Variants in RNF220 observed in about 807,000 individuals in gnomAD.
RNF220 encodes the protein ring finger protein 220.
Under a neutral mutation model 67.1 loss-of-function variants are expected in RNF220, and 7 were observed. That is an observed-to-expected ratio of 0.10 (90% confidence interval 0.06 to 0.20). The LOEUF (loss-of-function observed/expected upper bound fraction) is 0.20, where lower values mean the gene tolerates loss of function less well. Ranked by LOEUF, RNF220 falls within the 10% of genes least tolerant of loss-of-function variation. The pLI is 1.00. For missense variants in RNF220, 565 were observed against 740.3 expected, an observed-to-expected ratio of 0.76 and a Z score of 2.75; for synonymous variants, 270 against 283.2, an observed-to-expected ratio of 0.95 and a Z score of 0.47.
At chr1:44,539,783 A>G (rs1395040381) in intron 2 of RNF220, among the ~76,000 whole-genome samples, 3 of 152,166 alleles carry the variant, frequency 2.0e-5, no homozygotes, top group African/African-American at 7.2e-5. Flanking sequence ...TCTGATTCCC[A>G]TCCTACTCTT....
At chr1:44,605,490 T>G (rs931182508) in intron 2 of RNF220, among the ~76,000 whole-genome samples, 1 of 152,170 alleles carries the variant, frequency 6.6e-6, no homozygotes, top group African/African-American at 2.4e-5. Flanking sequence ...ATTTCTACTA[T>G]TACTATGACT....
intron 2 of RNF220, among the ~76,000 whole-genome samples, chr1:44,569,599 G>C (rs748142421): frequency 1.1e-4 from 16 of 152,194 alleles, no homozygotes; most frequent in Non-Finnish European, 2.1e-4. Context: ...TTTGCTGCCA[G>C]AGGCACCGCC....
Position 44,412,509 on chromosome 1 carries a change from C to T in RNF220, c.412C>T (p.Pro138Ser), listed in dbSNP as rs1215144065. The change falls in exon 2 of 15, where the codon CCG becomes TCG. Residue 138 changes from proline (P) to serine (S), a missense_variant. Physicochemically the swap from Pro to Ser is moderately conservative, Grantham distance 74 (BLOSUM62 -1). Transcript: ENST00000361799. The surrounding 1 kb of genome is among the most constrained non-coding windows in gnomAD (Gnocchi z 5.3). Reference protein sequence around the residue: ...DRESYQSAFTPAKRLKNCHDT... With the variant: ...DRESYQSAFTSAKRLKNCHDT... ...GGAGAGCTATCAGTCAGCCTTTACG[C>T]CGGCCAAGCGACTTAAGAACTGCCA... 5 of 1,613,792 alleles carry T rather than the reference C, an allele frequency of 3.1e-6. No individual in the cohort carries two copies. The highest frequency in any genetic ancestry group is 1.1e-5 in the South Asian group (1 of 91,066).
In RNF220 at chr1:44,600,821, CAA is replaced by C. The variant is rs398049243; in HGVS notation, c.626-13332_626-13331del. ...GGGCAACAAGAGCAAGACTCTGTCT[CAA>C]AAAAAAAAAAAGTACAGTGCTTGCC... On this transcript the variant is annotated intron_variant, in intron 2 of 14. Transcript: ENST00000361799. The surrounding 1 kb of genome is among the most constrained non-coding windows in gnomAD (Gnocchi z 4.0). Among the ~76,000 whole-genome samples the C allele has an allele frequency of 7.1e-6, 1 of 140,182 alleles. No homozygotes were observed. Among genetic ancestry groups the C allele is most frequent in the Admixed American group, 7.2e-5 (1 of 13,898 alleles). The allele number at this position is 140,182 out of a possible 152,430, so 92.0% of individuals were successfully genotyped here. A position where few individuals can be genotyped will look rare whatever the true frequency, so the allele number is the denominator to read the frequency against.
intron 2 of RNF220, among the ~76,000 whole-genome samples, chr1:44,526,831 A>G (rs1038982762): frequency 6.6e-6 from 1 of 152,042 alleles, no homozygotes; most frequent in Non-Finnish European, 1.5e-5. Flanking sequence ...CAGTCAGCCC[A>G]TTCACTCAAT....
Position 44,583,733 on chromosome 1 carries a change from C to T in RNF220, c.626-30432C>T, listed in dbSNP as rs146347417. 1.2e-3 allele frequency among the ~76,000 whole-genome samples: 182 copies of T among 152,322 alleles called. 1 individual carries two copies. Among genetic ancestry groups the T allele is most frequent in the African/African-American group, 4.2e-3 (173 of 41,560 alleles). On this transcript the variant is annotated intron_variant, in intron 2 of 14. Coordinates refer to ENST00000361799, the MANE Select transcript of RNF220 (RefSeq NM_018150.4). The stretch of plus-strand genomic sequence containing the variant: ...CTTTGTGCATTCAGGGTAACCTGTA[C>T]GTCCTTCCTTCCCAGCACCAATCTC...
intron 2 of RNF220, among the ~76,000 whole-genome samples, chr1:44,507,869 C>A (rs1393460256): frequency 6.6e-6 from 1 of 151,876 alleles, no homozygotes; most frequent in Non-Finnish European, 1.5e-5. Flanking sequence ...GGAGGTGCCC[C>A]CCCCTCACCA....
At chr1:44,623,466 C>G (rs1169821144) in intron 4 of RNF220, among the ~76,000 whole-genome samples, 1 of 152,248 alleles carries the variant, frequency 6.6e-6, no homozygotes, top group Non-Finnish European at 1.5e-5. Context: ...ACAGTGGGTA[C>G]TACTTACCCA....
intron 2 of RNF220, among the ~76,000 whole-genome samples, chr1:44,524,878 TC>T (rs1372488048): frequency 1.3e-5 from 2 of 152,158 alleles, no homozygotes; most frequent in Non-Finnish European, 2.9e-5. Flanking sequence ...CCAAGGCTTA[TC>T]GGGGTTAGCA....
At chr1:44,542,885 G>A (rs890843031) in intron 2 of RNF220, among the ~76,000 whole-genome samples, 2 of 152,174 alleles carry the variant, frequency 1.3e-5, no homozygotes, top group African/African-American at 4.8e-5. Flanking sequence ...CTTGAGTGGG[G>A]CTGGGGGCCG....
At chr1:44,477,891 A>C (rs1298676948) in intron 2 of RNF220, among the ~76,000 whole-genome samples, 1 of 152,158 alleles carries the variant, frequency 6.6e-6, no homozygotes, top group African/African-American at 2.4e-5. Flanking sequence ...CAATAATCTA[A>C]TCTACAACAG....
At chr1:44,471,265 A>C (rs1414983977) in intron 2 of RNF220, among the ~76,000 whole-genome samples, 1 of 151,252 alleles carries the variant, frequency 6.6e-6, no homozygotes, top group Non-Finnish European at 1.5e-5. Flanking sequence ...GTCTCTACTA[A>C]AAATACAAAA....
intron 2 of RNF220, among the ~76,000 whole-genome samples, chr1:44,597,439 A>C (rs1400080999): frequency 6.7e-6 from 1 of 150,342 alleles, no homozygotes; most frequent in Non-Finnish European, 1.5e-5. Flanking sequence ...CTCAACATAC[A>C]TACACGCCCT....
chr1:44,598,934 C>T (rs1666729254), intron 2 of RNF220, among the ~76,000 whole-genome samples: 1 of 152,072 alleles, frequency 6.6e-6, no homozygotes, highest in Non-Finnish European at 1.5e-5. Flanking sequence ...CCTATCCCCA[C>T]CTCTCTCACC....
At chr1:44,455,292 C>T (rs1449800704) in intron 2 of RNF220, among the ~76,000 whole-genome samples, 3 of 152,012 alleles carry the variant, frequency 2.0e-5, no homozygotes, top group East Asian at 1.9e-4. Flanking sequence ...CCAAGGAGGA[C>T]ACCTCAGTGA....
At chr1:44,462,899 C>T (rs1440933771) in intron 2 of RNF220, among the ~76,000 whole-genome samples, 3 of 151,684 alleles carry the variant, frequency 2.0e-5, no homozygotes, top group Non-Finnish European at 2.9e-5. Flanking sequence ...AGGTGGCAGG[C>T]GCCTGTAGTC....
At chr1:44,428,794 C>T (rs2147859459) in intron 2 of RNF220, among the ~76,000 whole-genome samples, 1 of 152,148 alleles carries the variant, frequency 6.6e-6, no homozygotes. Flanking sequence ...TCCTCTGCGT[C>T]TTAGCCCTAA....
chr1:44,442,972 T>C lies in RNF220; in HGVS notation c.625+30250T>C, dbSNP rs75639154. On this transcript the variant is annotated intron_variant, in intron 2 of 14. Coordinates refer to ENST00000361799, the MANE Select transcript of RNF220 (RefSeq NM_018150.4). ...CCACTCTTGTACCCAAGGGCCCTCTTACTCCACCCTCTTGCCTAGTGGAAA... is the reference window on the plus strand; with the variant it reads ...CCACTCTTGTACCCAAGGGCCCTCTCACTCCACCCTCTTGCCTAGTGGAAA... Among the ~76,000 whole-genome samples the C allele has an allele frequency of 8.3e-3, 1,257 of 152,334 alleles. 24 individuals carry two copies. Among genetic ancestry groups the C allele is most frequent in the African/African-American group, 0.029 (1,188 of 41,570 alleles).
intron 2 of RNF220, chr1:44,423,922 C>T (rs536751191): frequency 2.9e-5 from 29 of 985,274 alleles, no homozygotes; most frequent in East Asian, 1.1e-4. Context: ...GCCTGGCACA[C>T]GTCGGCATGC....
Sources: allele counts gnomAD v4.1 joint callset (sites outside exome capture counted in the v4.1 genomes callset), GRCh38; gene constraint gnomAD v4.1.1; non-coding constraint Gnocchi (gnomAD v3.1); transcripts MANE v1.5; gene names NCBI Gene and HGNC (gene_info 2026-07-23, HGNC 2026-07-21).